Variants in MAD1L1 observed in about 807,000 individuals in gnomAD.
MAD1L1 encodes mitotic arrest deficient 1 like 1.
In MAD1L1, 95 loss-of-function variants were observed where a neutral mutation model predicts 96.9. The observed-to-expected ratio is 0.98, with a 90% CI of 0.83 to 1.16. The LOEUF (loss-of-function observed/expected upper bound fraction) is 1.16. MAD1L1 is among the 50% of genes most tolerant of loss of function. The pLI, the probability that MAD1L1 is intolerant of heterozygous loss-of-function variation, is 0.00. For synonymous variants in MAD1L1, 473 were observed against 396.6 expected, an observed-to-expected ratio of 1.19 and a Z score of -2.29; for missense variants, 1,007 against 954.4, an observed-to-expected ratio of 1.06 and a Z score of -0.73.
At chr7:2,081,255 A>C (rs1785630473) in intron 11 of MAD1L1, among the ~76,000 whole-genome samples, 2 of 152,088 alleles carry the variant, frequency 1.3e-5, no homozygotes, top group African/African-American at 4.8e-5. Flanking sequence ...TGGGCAGAGG[A>C]GTCACTTGGG....
chr7:2,121,161 G>C lies in MAD1L1; in HGVS notation c.1073+27991C>G, dbSNP rs1162159438. Among the ~76,000 whole-genome samples the C allele has an allele frequency of 2.6e-5, 4 of 152,374 alleles. No individual in the cohort carries two copies. The East Asian group carries it at 7.7e-4, about 29-fold the overall frequency. On this transcript the variant is annotated intron_variant, in intron 11 of 18. Transcript: ENST00000265854. ...GGACGAGCTGGACCAGGTGGCTCTGGGGCCCTTCCCGCCTGAGGCCTCACG... is the reference window on the plus strand; with the variant it reads ...GGACGAGCTGGACCAGGTGGCTCTGCGGCCCTTCCCGCCTGAGGCCTCACG...
chr7:1,974,847 T>C (rs568914789), intron 15 of MAD1L1, among the ~76,000 whole-genome samples: 5 of 152,180 alleles, frequency 3.3e-5, no homozygotes, highest in Admixed American at 6.5e-5. Context: ...AACCTGAGGA[T>C]GCTGGGGACC....
At chr7:2,039,510 C>A (rs530912230) in intron 12 of MAD1L1, among the ~76,000 whole-genome samples, 42 of 152,364 alleles carry the variant, frequency 2.8e-4, no homozygotes, top group Admixed American at 7.8e-4. Context: ...TCTCTACACA[C>A]TGACTGGCAT....
At chr7:1,979,264 G>T (rs1780784981) in intron 15 of MAD1L1, among the ~76,000 whole-genome samples, 1 of 152,196 alleles carries the variant, frequency 6.6e-6, no homozygotes. Flanking sequence ...AGGGCCATTT[G>T]ATGTCCCCTG....
chr7:2,145,546 A>AT (rs1789254350), intron 11 of MAD1L1, among the ~76,000 whole-genome samples: 1 of 152,192 alleles, frequency 6.6e-6, no homozygotes, highest in Non-Finnish European at 1.5e-5. Context: ...TGCTAGGAAA[A>AT]TTCCTTCTTG....
intron 12 of MAD1L1, among the ~76,000 whole-genome samples, chr7:2,062,832 G>C (rs1784721225): frequency 6.6e-6 from 1 of 152,148 alleles, no homozygotes; most frequent in Non-Finnish European, 1.5e-5. Context: ...CACACGTCAG[G>C]TCACTAAACC....
chr7:2,104,109 T>G (rs146743756), intron 11 of MAD1L1, among the ~76,000 whole-genome samples: 2 of 152,258 alleles, frequency 1.3e-5, no homozygotes, highest in Admixed American at 6.5e-5. Flanking sequence ...TATCTGTTAT[T>G]AAAGGCATGC....
chr7:2,002,019 A>C lies in MAD1L1; in HGVS notation c.1416+46T>G, dbSNP rs766773038. The C allele has an allele frequency of 1.1e-5, 17 of 1,604,474 alleles. No homozygotes were observed. In the South Asian group the frequency reaches 1.8e-4, roughly 17 times the overall value. On this transcript the variant is annotated intron_variant, in intron 14 of 18. Coordinates refer to ENST00000265854, the MANE Select transcript of MAD1L1 (RefSeq NM_001013836.2). ...GGGACAGGCGTCCCTGCCCAGACCC[A>C]GGGTCCAGGTGCCCTGAATCCCAGC...
intron 12 of MAD1L1, among the ~76,000 whole-genome samples, chr7:2,053,417 C>G (rs1370581173): frequency 1.3e-5 from 2 of 152,238 alleles, no homozygotes; most frequent in African/African-American, 4.8e-5. Flanking sequence ...GGCATTTACT[C>G]AGAGCCTGCT....
At chr7:2,055,669 C>CAAAAAAAAAAA (rs35707803) in intron 12 of MAD1L1, among the ~76,000 whole-genome samples, 1 of 90,528 alleles carries the variant, frequency 1.1e-5, no homozygotes, top group Non-Finnish European at 2.3e-5. Flanking sequence ...GACCCTGTCT[C>CAAAAAAAAAAA]AAAAAAAAAA....
chr7:1,915,099 G>A (rs1372805832), intron 17 of MAD1L1, among the ~76,000 whole-genome samples: 1 of 152,194 alleles, frequency 6.6e-6, no homozygotes, highest in Non-Finnish European at 1.5e-5. Flanking sequence ...CAGAAGCGCT[G>A]CTCAGCTATT....
Position 2,191,986 on chromosome 7 carries a change from G to A in MAD1L1, c.986+21226C>T, listed in dbSNP as rs1347291687. Among the ~76,000 whole-genome samples the A allele has an allele frequency of 2.6e-5, 4 of 151,718 alleles. No individual in the cohort carries two copies. The East Asian group carries it at 5.8e-4, about 22-fold the overall frequency. ...GCAGAGGTTGCAGTGAGCTGAGATC[G>A]CGTCACTGCACTCCAGCCTGGGTGA... On this transcript the variant is annotated intron_variant, in intron 10 of 18. Transcript: ENST00000265854.
At chr7:1,857,042 G>T (rs909147954) in intron 18 of MAD1L1, among the ~76,000 whole-genome samples, 1 of 152,190 alleles carries the variant, frequency 6.6e-6, no homozygotes, top group Admixed American at 6.5e-5. Flanking sequence ...CTCGGGTGAG[G>T]ACGAGGAGCT....
intron 18 of MAD1L1, among the ~76,000 whole-genome samples, chr7:1,825,561 G>A (rs1208239276): frequency 6.6e-6 from 1 of 152,246 alleles, no homozygotes; most frequent in East Asian, 1.9e-4. Context: ...CCAGCGGCCA[G>A]GGCACCCAGG....
At chr7:2,111,973 T>C (rs528113396) in intron 11 of MAD1L1, among the ~76,000 whole-genome samples, 1 of 152,310 alleles carries the variant, frequency 6.6e-6, no homozygotes, top group East Asian at 1.9e-4. Flanking sequence ...GCAGCTTTAC[T>C]CCATTTCACC....
rs183427268 is a variant in MAD1L1 at position 2,220,235 on chromosome 7, G to A, written c.472-779C>T. Among the ~76,000 whole-genome samples, 509 of 152,272 alleles carry A rather than the reference G, an allele frequency of 3.3e-3. 3 individuals are homozygous for A. Among genetic ancestry groups the A allele is most frequent in the African/African-American group, 0.012 (480 of 41,550 alleles). ...GGGAGCACGCGGCACGGGCAGGAGCGCCCCTGGGGAGGCGGCCCCTGAGCA... is the reference window on the plus strand; with the variant it reads ...GGGAGCACGCGGCACGGGCAGGAGCACCCCTGGGGAGGCGGCCCCTGAGCA... On this transcript the variant is annotated intron_variant, in intron 5 of 18. Transcript: ENST00000265854.
chr7:2,047,985 C>A (rs1784004340), intron 12 of MAD1L1, among the ~76,000 whole-genome samples: 3 of 152,240 alleles, frequency 2.0e-5, no homozygotes, highest in Non-Finnish European at 2.9e-5. Flanking sequence ...CATGTGCACA[C>A]AGAACTCACA....
At chr7:2,229,297 A>ACTCCACTCCC (rs1166754572) in intron 3 of MAD1L1, among the ~76,000 whole-genome samples, 3 of 151,294 alleles carry the variant, frequency 2.0e-5, no homozygotes, top group Non-Finnish European at 2.9e-5. Context: ...ACTAGCCAGC[A>ACTCCACTCCC]CTCCACTCCC....
chr7:2,117,975 T>C (rs113978075), intron 11 of MAD1L1, among the ~76,000 whole-genome samples: 4 of 152,282 alleles, frequency 2.6e-5, no homozygotes, highest in African/African-American at 9.6e-5. Flanking sequence ...TGCACAGCAA[T>C]GGCCCCTCAA....
Sources: gnomAD v4.1 joint callset for allele counts (sites outside exome capture counted in the v4.1 genomes callset) on GRCh38, gnomAD v4.1.1 for gene constraint, MANE v1.5 for transcripts, NCBI Gene and HGNC (gene_info 2026-07-23, HGNC 2026-07-21) for gene names.